The following POLR3B variants were observed in gnomAD, a reference collection of about 807,000 sequenced individuals.
The protein encoded by POLR3B is DNA-directed RNA polymerase III subunit RPC2.
In POLR3B, 96 loss-of-function variants were observed where a neutral mutation model predicts 147.4. That is an observed-to-expected ratio of 0.65 (90% CI 0.55 to 0.77). POLR3B has a LOEUF of 0.77. POLR3B is among the 30% of genes least tolerant of loss of function. The pLI is 0.00. For synonymous variants in POLR3B, 461 were observed against 485.9 expected (o/e 0.95, Z 0.67); for missense variants, 1,036 against 1,413.5 (o/e 0.73, Z 4.28).
intron 12 of POLR3B, among the ~76,000 whole-genome samples, chr12:106,426,564 C>G (rs1300442479): frequency 6.6e-6 from 1 of 151,952 alleles, no homozygotes; most frequent in East Asian, 1.9e-4. Context: ...ATCAACCCAC[C>G]TTGGCCTCCC....
chr12:106,502,559 C>T (rs2038618521), intron 26 of POLR3B, among the ~76,000 whole-genome samples: 1 of 152,174 alleles, frequency 6.6e-6, no homozygotes, highest in African/African-American at 2.4e-5. Context: ...TGAGCACTGC[C>T]TGGATGTAAC....
At chr12:106,479,386 C>CT (rs542071396) in intron 23 of POLR3B, among the ~76,000 whole-genome samples, 2,266 of 144,654 alleles carry the variant, frequency 0.016, 45 homozygotes, top group African/African-American at 0.046. Context: ...TTCTCTCTCT[C>CT]TTTTTTTTTT....
At chr12:106,465,406 T>C (rs925846191) in intron 23 of POLR3B, among the ~76,000 whole-genome samples, 1 of 152,238 alleles carries the variant, frequency 6.6e-6, no homozygotes, top group African/African-American at 2.4e-5. Context: ...CAGGGTATTA[T>C]GCAAAGAGTT....
At chr12:106,368,632 C>T (rs1749295098) in intron 4 of POLR3B, among the ~76,000 whole-genome samples, 1 of 152,140 alleles carries the variant, frequency 6.6e-6, no homozygotes, top group African/African-American at 2.4e-5. Context: ...AGGATTTGTG[C>T]ACTGTCGTTT....
At chr12:106,370,587 T>C (rs1218003815) in intron 6 of POLR3B, among the ~76,000 whole-genome samples, 1 of 152,128 alleles carries the variant, frequency 6.6e-6, no homozygotes, top group African/African-American at 2.4e-5. Flanking sequence ...AATGTTCATC[T>C]TGGTTTTAGC....
At chr12:106,469,890 C>T (rs1327811766) in intron 23 of POLR3B, among the ~76,000 whole-genome samples, 3 of 152,126 alleles carry the variant, frequency 2.0e-5, no homozygotes, top group Non-Finnish European at 4.4e-5. Context: ...ACACTTTTTC[C>T]GTCATTTCAA....
chr12:106,369,634 T>A lies in POLR3B; in HGVS notation c.355T>A (p.Tyr119Asn). ...YSAPITVDIEYTRGSQRIIRN... is the reference protein window; with the variant it reads ...YSAPITVDIENTRGSQRIIRN... ...TGCCCCTATTACAGTGGATATTGAA[T>A]ATACCCGAGGCAGCCAGAGGATCAT... Residue 119 changes from tyrosine (Y) to asparagine (N), a missense_variant, in exon 6 of 28, where the codon TAT (tyrosine) becomes AAT (asparagine). Tyr to Asn is a moderately radical substitution (Grantham distance 143). Transcript: ENST00000228347. 1 of 1,613,594 alleles carries A rather than the reference T, an allele frequency of 6.2e-7. No homozygotes were observed. The highest frequency in any genetic ancestry group is 8.5e-7 in the Non-Finnish European group (1 of 1,179,580).
At chr12:106,425,926 T>A (rs2037428086) in intron 12 of POLR3B, among the ~76,000 whole-genome samples, 1 of 152,200 alleles carries the variant, frequency 6.6e-6, no homozygotes, top group Non-Finnish European at 1.5e-5. Context: ...GTTTTATGTC[T>A]GGTTTCTTTT....
Position 106,401,703 on chromosome 12 carries a change from G to A in POLR3B, c.847-4154G>A, listed in dbSNP as rs200308223. Among the ~76,000 whole-genome samples, 10 of 152,228 alleles carry A rather than the reference G, an allele frequency of 6.6e-5. No homozygotes were observed. In the East Asian group the frequency reaches 1.2e-3, roughly 18 times the overall value. On this transcript the variant is annotated intron_variant, in intron 10 of 27. Transcript: ENST00000228347. ...AATCCAGCATATAAACAGAACCAAC[G>A]ACAAAAACCACATGATTATCTCAAT...
intron 24 of POLR3B, 192 bp downstream of exon 24, chr12:106,496,350 G>GGAGC: frequency 1.5e-6 from 1 of 685,302 alleles, no homozygotes; most frequent in Admixed American, 2.1e-5. Context: ...TAAAGAATGA[G>GGAGC]GAGCACATCT....
chr12:106,400,143 G>A (rs1031487631), intron 10 of POLR3B, among the ~76,000 whole-genome samples: 5 of 152,140 alleles, frequency 3.3e-5, no homozygotes, highest in East Asian at 1.9e-4. Flanking sequence ...AGGAAGATCT[G>A]CCAAGCAAAT....
chr12:106,472,940 C>T (rs1345399264), intron 23 of POLR3B, among the ~76,000 whole-genome samples: 1 of 135,662 alleles, frequency 7.4e-6, no homozygotes, highest in Non-Finnish European at 1.5e-5. Context: ...TCCCTGCCCA[C>T]GCCTATGTCC....
At chr12:106,365,112 T>C (rs1482518611) in intron 2 of POLR3B, among the ~76,000 whole-genome samples, 1 of 151,888 alleles carries the variant, frequency 6.6e-6, no homozygotes, top group African/African-American at 2.4e-5. Context: ...TGCAGCCTGG[T>C]CGACAGTGTG....
chr12:106,486,891 T>C (rs943613322), intron 23 of POLR3B, among the ~76,000 whole-genome samples: 8 of 152,210 alleles, frequency 5.3e-5, no homozygotes, highest in Admixed American at 1.3e-4. Flanking sequence ...TTCTGAGCCC[T>C]CAACTTTGAC....
intron 27 of POLR3B, among the ~76,000 whole-genome samples, chr12:106,506,126 C>T (rs2038684106): frequency 6.6e-6 from 1 of 152,130 alleles, no homozygotes; most frequent in Admixed American, 6.5e-5. Context: ...TTGCTTCAGT[C>T]CTGAGATGTC....
chr12:106,438,985 G>T (rs1364504095), intron 18 of POLR3B, among the ~76,000 whole-genome samples: 1 of 152,184 alleles, frequency 6.6e-6, no homozygotes, highest in Non-Finnish European at 1.5e-5. Context: ...GCATGTGACT[G>T]ATGTACCACT....
intron 25 of POLR3B, among the ~76,000 whole-genome samples, chr12:106,500,508 G>A (rs2038581375): frequency 6.6e-6 from 1 of 152,290 alleles, no homozygotes. Context: ...TGTACACCAC[G>A]GTATCAAAAG....
At chr12:106,424,301 A>G (rs1372518045) in intron 12 of POLR3B, among the ~76,000 whole-genome samples, 1 of 152,178 alleles carries the variant, frequency 6.6e-6, no homozygotes, top group Non-Finnish European at 1.5e-5. Flanking sequence ...GTGGGAGTAT[A>G]TCCTATCCTG....
At chr12:106,450,198 T>C (rs1188397809) in intron 19 of POLR3B, among the ~76,000 whole-genome samples, 2 of 152,190 alleles carry the variant, frequency 1.3e-5, no homozygotes, top group Non-Finnish European at 2.9e-5. Context: ...AAAGGAACAT[T>C]AGCTCCTACC....
Sources: allele counts gnomAD v4.1 joint callset (sites outside exome capture counted in the v4.1 genomes callset), GRCh38; gene constraint gnomAD v4.1.1; transcripts MANE v1.5; gene names NCBI Gene and HGNC (gene_info 2026-07-23, HGNC 2026-07-21).